Variants in SBF2 observed in about 807,000 individuals in gnomAD.
SBF2 encodes the protein SET binding factor 2.
Under a neutral mutation model 225.2 loss-of-function variants are expected in SBF2, and 112 were observed. The ratio of observed to expected loss-of-function variants is 0.50; its 90% CI spans 0.43 to 0.58. SBF2 has a LOEUF of 0.58. Among genes scored for constraint, SBF2 ranks in the 20% least tolerant of loss-of-function variants. SBF2 has a pLI of 0.00. For missense variants in SBF2, 1,996 were observed against 2,206.2 expected (o/e 0.90, Z 1.91); for synonymous variants, 763 against 773.3 (o/e 0.99, Z 0.22).
chr11:9,841,511 A>T (rs1261269880), intron 25 of SBF2, among the ~76,000 whole-genome samples: 1 of 148,630 alleles, frequency 6.7e-6, no homozygotes, highest in Non-Finnish European at 1.5e-5. Context: ...GCATGCATAC[A>T]TACATACAAA....
At chr11:10,007,419 T>C (rs1015941148) in intron 6 of SBF2, among the ~76,000 whole-genome samples, 7 of 152,168 alleles carry the variant, frequency 4.6e-5, no homozygotes, top group African/African-American at 9.7e-5. Flanking sequence ...ACAGACTGAA[T>C]TGAATACAAG....
At chr11:9,837,175 G>A (rs911117917) in intron 26 of SBF2, among the ~76,000 whole-genome samples, 1 of 152,122 alleles carries the variant, frequency 6.6e-6, no homozygotes, top group Non-Finnish European at 1.5e-5. Flanking sequence ...CAGAGAAAAA[G>A]CTTTTAATAT....
At chr11:10,175,077 T>A (rs147961462) in intron 2 of SBF2, among the ~76,000 whole-genome samples, 16,064 of 151,150 alleles carry the variant, frequency 0.11, 1,003 homozygotes, top group Non-Finnish European at 0.11. Flanking sequence ...GTAAAGACCA[T>A]CGAGACTAGG....
At chr11:10,072,668 C>A (rs959923248) in intron 2 of SBF2, among the ~76,000 whole-genome samples, 1 of 151,412 alleles carries the variant, frequency 6.6e-6, no homozygotes, top group Non-Finnish European at 1.5e-5. Flanking sequence ...TGGGGCTTTT[C>A]CACTAATGGC....
At chr11:10,282,137 C>T (rs1481591247) in intron 1 of SBF2, among the ~76,000 whole-genome samples, 1 of 152,170 alleles carries the variant, frequency 6.6e-6, no homozygotes, top group East Asian at 1.9e-4. Flanking sequence ...TTATACATGA[C>T]ATTTTCAGCA....
At chr11:9,971,856 A>T (rs1405033488) in intron 13 of SBF2, among the ~76,000 whole-genome samples, 1 of 152,190 alleles carries the variant, frequency 6.6e-6, no homozygotes, top group Non-Finnish European at 1.5e-5. Context: ...AGATTTCCAG[A>T]TATCAAAACT....
At chr11:9,978,099 T>G (rs1218929140) in intron 13 of SBF2, among the ~76,000 whole-genome samples, 1 of 152,136 alleles carries the variant, frequency 6.6e-6, no homozygotes, top group Non-Finnish European at 1.5e-5. Flanking sequence ...GAAATGTGAT[T>G]AAAAAAACAA....
At chr11:10,269,426 G>A (rs976353475) in intron 1 of SBF2, among the ~76,000 whole-genome samples, 44 of 152,138 alleles carry the variant, frequency 2.9e-4, no homozygotes, top group African/African-American at 1.1e-3. Context: ...AACTTTCCCT[G>A]GAACCGTAGA....
intron 2 of SBF2, among the ~76,000 whole-genome samples, chr11:10,086,009 A>G (rs1045559901): frequency 6.7e-5 from 8 of 118,978 alleles, no homozygotes; most frequent in Non-Finnish European, 9.7e-5. Context: ...GTTTGTCAAA[A>G]GATATAAGTG....
intron 1 of SBF2, among the ~76,000 whole-genome samples, chr11:10,266,142 C>A (rs1048117552): frequency 6.6e-6 from 1 of 152,144 alleles, no homozygotes; most frequent in African/African-American, 2.4e-5. Context: ...CCCAGATTTA[C>A]AGAGGATAAA....
At chr11:10,101,373 T>C (rs1040981663) in intron 2 of SBF2, among the ~76,000 whole-genome samples, 1 of 152,180 alleles carries the variant, frequency 6.6e-6, no homozygotes, top group African/African-American at 2.4e-5. Context: ...GTATTTTGCT[T>C]TGGCTGGGAT....
chr11:9,963,569 A>G (rs1866718575), intron 15 of SBF2, among the ~76,000 whole-genome samples: 1 of 152,216 alleles, frequency 6.6e-6, no homozygotes, highest in Admixed American at 6.5e-5. Flanking sequence ...ATTACTATGA[A>G]TATATTTCTG....
chr11:9,937,209 A>G (rs921786317), intron 16 of SBF2, among the ~76,000 whole-genome samples: 4 of 152,232 alleles, frequency 2.6e-5, no homozygotes, highest in Non-Finnish European at 4.4e-5. Context: ...AAATACCCCA[A>G]TGACATCAGC....
intron 2 of SBF2, among the ~76,000 whole-genome samples, chr11:10,149,953 G>A (rs144367984): frequency 6.6e-6 from 1 of 152,122 alleles, no homozygotes; most frequent in Non-Finnish European, 1.5e-5. Flanking sequence ...TTTAGGGTTA[G>A]TTCTAAACGT....
At chr11:9,911,556 A>G (rs1862621703) in intron 16 of SBF2, among the ~76,000 whole-genome samples, 1 of 152,174 alleles carries the variant, frequency 6.6e-6, no homozygotes, top group African/African-American at 2.4e-5. Flanking sequence ...AGTTTAATGT[A>G]TTTTTGAAGA....
At chr11:10,278,163 T>C (rs1963114657) in intron 1 of SBF2, among the ~76,000 whole-genome samples, 1 of 152,216 alleles carries the variant, frequency 6.6e-6, no homozygotes, top group South Asian at 2.1e-4. Context: ...ACTTAAGCAG[T>C]TATGTGAAAT....
At chr11:10,296,124 C>A (rs1241641159), upstream of SBF2, among the ~76,000 whole-genome samples, 1 of 152,150 alleles carries the variant, frequency 6.6e-6, no homozygotes, top group East Asian at 1.9e-4. Flanking sequence ...ATTTCATATT[C>A]ATATCATACA....
chr11:10,019,282 T>C (rs1488098425), intron 6 of SBF2, among the ~76,000 whole-genome samples: 3 of 152,246 alleles, frequency 2.0e-5, no homozygotes, highest in African/African-American at 7.2e-5. Context: ...GGAACAGTTT[T>C]CGTTAGAGAT....
At chr11:10,254,467 C>G (rs1406161052) in intron 1 of SBF2, among the ~76,000 whole-genome samples, 3 of 151,766 alleles carry the variant, frequency 2.0e-5, no homozygotes, top group African/African-American at 7.3e-5. Flanking sequence ...ATCAATATCT[C>G]AAAGCGATAT....
Sources: allele counts gnomAD v4.1 joint callset (sites outside exome capture counted in the v4.1 genomes callset), GRCh38; gene constraint gnomAD v4.1.1; transcripts MANE v1.5; gene names NCBI Gene and HGNC (gene_info 2026-07-23, HGNC 2026-07-21).